The following CTNNA3 variants were observed in gnomAD, a reference collection of about 807,000 sequenced individuals.
CTNNA3 encodes the protein catenin alpha 3.
Under a neutral mutation model 95.7 loss-of-function variants are expected in CTNNA3, and 76 were observed. That is an observed-to-expected ratio of 0.79 (90% CI 0.66 to 0.96). The LOEUF (loss-of-function observed/expected upper bound fraction) is 0.96, where lower values mean the gene tolerates loss of function less well. CTNNA3 is among the 40% of genes least tolerant of loss of function. The probability of loss-of-function intolerance (pLI) is 0.00; values close to 1 mark genes in which losing one functional copy is unlikely to be tolerated. For missense variants in CTNNA3, 1,191 were observed against 1,089.8 expected (o/e 1.09, Z -1.31); for synonymous variants, 431 against 374.4 (o/e 1.15, Z -1.74).
chr10:66,972,707 T>C (rs1419124000), intron 7 of CTNNA3, among the ~76,000 whole-genome samples: 2 of 90,610 alleles, frequency 2.2e-5, no homozygotes, highest in African/African-American at 9.0e-5. Context: ...TAGATTTTTT[T>C]TTTTTTTTTT....
intron 5 of CTNNA3, among the ~76,000 whole-genome samples, chr10:67,418,352 T>A (rs1439113561): frequency 6.6e-6 from 1 of 152,150 alleles, no homozygotes; most frequent in African/African-American, 2.4e-5. Flanking sequence ...AAATCCCATT[T>A]CTGGGTACAT....
At chr10:65,952,773 T>C (rs1164780176) in intron 17 of CTNNA3, among the ~76,000 whole-genome samples, 3 of 152,202 alleles carry the variant, frequency 2.0e-5, no homozygotes. Flanking sequence ...ACATGGCCCC[T>C]TGATTTCTGT....
At chr10:67,424,788 A>G (rs1187157761) in intron 5 of CTNNA3, among the ~76,000 whole-genome samples, 1 of 152,046 alleles carries the variant, frequency 6.6e-6, no homozygotes, top group Non-Finnish European at 1.5e-5. Flanking sequence ...ATGAACAGAG[A>G]TTGTGTTTGA....
intron 5 of CTNNA3, among the ~76,000 whole-genome samples, chr10:67,503,120 G>A (rs1056191373): frequency 1.3e-5 from 2 of 152,208 alleles, no homozygotes; most frequent in African/African-American, 4.8e-5. Context: ...GGAATCTCCT[G>A]GTCTGCAAGT....
rs141757084 is a variant in CTNNA3, at chr10:66,530,642, T to C, written c.1375-9869A>G. 3.2e-3 allele frequency among the ~76,000 whole-genome samples: 491 copies of C among 152,190 alleles called. 3 individuals are homozygous for C. The highest frequency in any genetic ancestry group is 0.011 in the African/African-American group (475 of 41,520). ...CATTTCAGAGTAGGGGAGGGTGTGGTGCTGAGGAGACCTAACCTGCCATGG... is the reference window on the plus strand; with the variant it reads ...CATTTCAGAGTAGGGGAGGGTGTGGCGCTGAGGAGACCTAACCTGCCATGG... On this transcript the variant is annotated intron_variant, in intron 10 of 17. Transcript: ENST00000433211.
chr10:66,386,947 A>C (rs941042576), intron 11 of CTNNA3, among the ~76,000 whole-genome samples: 2 of 152,230 alleles, frequency 1.3e-5, no homozygotes, highest in African/African-American at 4.8e-5. Context: ...AAATTAATTC[A>C]AGATGGATTA....
At chr10:66,891,734 C>A (rs1168949816) in intron 7 of CTNNA3, among the ~76,000 whole-genome samples, 1 of 152,114 alleles carries the variant, frequency 6.6e-6, no homozygotes, top group East Asian at 1.9e-4. Flanking sequence ...TTTAAAACTA[C>A]GGAATGTTTT....
At chr10:67,727,780 A>G (rs1209630367) in intron 1 of CTNNA3, among the ~76,000 whole-genome samples, 1 of 122,710 alleles carries the variant, frequency 8.1e-6, no homozygotes, top group East Asian at 2.1e-4. Context: ...AATATATAAT[A>G]TGTAAAATAC....
chr10:66,911,268 G>A (rs1846211324), intron 7 of CTNNA3, among the ~76,000 whole-genome samples: 1 of 152,182 alleles, frequency 6.6e-6, no homozygotes, highest in East Asian at 1.9e-4. Flanking sequence ...AGAATGCCAT[G>A]CATTAAATTC....
At chr10:66,735,183 T>A (rs1849093844) in intron 9 of CTNNA3, among the ~76,000 whole-genome samples, 1 of 151,872 alleles carries the variant, frequency 6.6e-6, no homozygotes, top group African/African-American at 2.4e-5. Context: ...CTATAATTAT[T>A]ACCTTTTTGT....
chr10:66,693,757 C>A (rs1438760014), intron 9 of CTNNA3, among the ~76,000 whole-genome samples: 1 of 152,146 alleles, frequency 6.6e-6, no homozygotes, highest in Non-Finnish European at 1.5e-5. Context: ...TTATAACAAA[C>A]TGTCTCTCAG....
At chr10:66,658,225 T>TC (rs1422660400) in intron 9 of CTNNA3, among the ~76,000 whole-genome samples, 4 of 113,452 alleles carry the variant, frequency 3.5e-5, no homozygotes, top group African/African-American at 1.1e-4. Flanking sequence ...TCTCTCTCTC[T>TC]TTCTCTCTCT....
At chr10:66,266,381 G>A (rs1201956569) in intron 13 of CTNNA3, among the ~76,000 whole-genome samples, 1 of 151,906 alleles carries the variant, frequency 6.6e-6, no homozygotes, top group East Asian at 1.9e-4. Flanking sequence ...TTCTCTGATT[G>A]ATGTGGTTCT....
At chr10:67,436,941 G>T (rs1846323378) in intron 5 of CTNNA3, among the ~76,000 whole-genome samples, 1 of 152,058 alleles carries the variant, frequency 6.6e-6, no homozygotes, top group Admixed American at 6.6e-5. Context: ...TGAAAGTAGA[G>T]CTACCATTTG....
At chr10:66,984,720 A>C (rs1014944883) in intron 7 of CTNNA3, among the ~76,000 whole-genome samples, 17 of 152,152 alleles carry the variant, frequency 1.1e-4, no homozygotes, top group African/African-American at 3.9e-4. Context: ...CTAAAGTCAC[A>C]CTTAAATGAC....
chr10:66,552,060 C>T (rs552203973), intron 10 of CTNNA3, among the ~76,000 whole-genome samples: 12 of 152,010 alleles, frequency 7.9e-5, no homozygotes, highest in Admixed American at 5.2e-4. Context: ...TGTGCCACCA[C>T]GCCCGGCTAA....
intron 13 of CTNNA3, among the ~76,000 whole-genome samples, chr10:66,225,317 A>C (rs998360610): frequency 3.3e-5 from 5 of 149,910 alleles, no homozygotes; most frequent in African/African-American, 1.2e-4. Flanking sequence ...TGCTAGACTT[A>C]TTTTGCATAA....
rs1482383766 is a variant in CTNNA3, at chr10:67,240,623, TAAAAG to T, written c.580-20758_580-20754del. ...AGGACAGATTCAATAAAAGAGAAAA[TAAAAG>T]AATTCTTCAAATTCAAATAGGAAAC... On this transcript the variant is annotated intron_variant, in intron 5 of 17. Coordinates refer to ENST00000433211, the MANE Select transcript of CTNNA3 (RefSeq NM_013266.4). 4.6e-5 allele frequency among the ~76,000 whole-genome samples: 7 copies of T among 152,174 alleles called. No homozygotes were observed. The East Asian group carries it at 1.2e-3, about 25-fold the overall frequency.
chr10:67,230,291 C>A (rs866340302), intron 5 of CTNNA3, among the ~76,000 whole-genome samples: 1 of 152,262 alleles, frequency 6.6e-6, no homozygotes, highest in African/African-American at 2.4e-5. Context: ...GAAACTGAAT[C>A]CTCATCTCTC....
Sources: gnomAD v4.1 joint callset for allele counts (sites outside exome capture counted in the v4.1 genomes callset) on GRCh38, gnomAD v4.1.1 for gene constraint, MANE v1.5 for transcripts, NCBI Gene and HGNC (gene_info 2026-07-23, HGNC 2026-07-21) for gene names.